Variants in NEURL1 observed in about 807,000 individuals in gnomAD.
The protein encoded by NEURL1 is E3 ubiquitin-protein ligase NEURL1.
NEURL1 carries 26 observed loss-of-function variants against 41.2 expected under a neutral mutation model. That is an observed-to-expected ratio of 0.63 (90% CI 0.46 to 0.87). The LOEUF (loss-of-function observed/expected upper bound fraction) is 0.87, where lower values mean the gene tolerates loss of function less well. NEURL1 is among the 40% of genes least tolerant of loss of function. NEURL1 has a pLI of 0.00. For synonymous variants in NEURL1, 400 were observed against 402.3 expected, an observed-to-expected ratio of 0.99 and a Z score of 0.07; for missense variants, 761 against 871.1, an observed-to-expected ratio of 0.87 and a Z score of 1.59.
intron 3 of NEURL1, among the ~76,000 whole-genome samples, chr10:103,572,468 C>T (rs937724622): frequency 6.6e-6 from 1 of 152,254 alleles, no homozygotes; most frequent in African/African-American, 2.4e-5. Context: ...TGGCTGCTCC[C>T]TGGCCCCCAG....
chr10:103,588,493 G>A (rs2035969226), intron 4 of NEURL1, among the ~76,000 whole-genome samples: 1 of 152,076 alleles, frequency 6.6e-6, no homozygotes, highest in South Asian at 2.1e-4. Flanking sequence ...GGAGTTTGAG[G>A]ACAGCTGTCA....
chr10:103,576,095 A>G lies in NEURL1; in HGVS notation c.649+4273A>G, dbSNP rs1327688361. Among the ~76,000 whole-genome samples the G allele has an allele frequency of 5.3e-5, 8 of 152,196 alleles. No homozygotes were observed. In the East Asian group the frequency reaches 1.5e-3, roughly 29 times the overall value. ...AAAAACCCAGCCCCTCTCCTGGAAT[A>G]ATGTTTTCCCTGGGGGACACATCAT... On this transcript the variant is annotated intron_variant, in intron 3 of 5. Coordinates refer to ENST00000369780, the MANE Select transcript of NEURL1 (RefSeq NM_004210.5).
chr10:103,501,878 C>T (rs2033833745), intron 1 of NEURL1, among the ~76,000 whole-genome samples: 1 of 152,056 alleles, frequency 6.6e-6, no homozygotes, highest in South Asian at 2.1e-4. Context: ...AGGAGGTCTG[C>T]CCGTCTCGGC....
intron 1 of NEURL1, among the ~76,000 whole-genome samples, chr10:103,510,767 T>C (rs1270767903): frequency 2.0e-5 from 3 of 152,204 alleles, no homozygotes; most frequent in Non-Finnish European, 1.5e-5. Flanking sequence ...CTACCTCCAA[T>C]GTGGATCCTT....
chr10:103,584,777 C>T lies in NEURL1; in HGVS notation c.891C>T (p.His297=), dbSNP rs1275736905. ...AGCTCGACGGCGACCTGCGTTTCCACGCCCTGCGCGCCGGCGCGCACGTCC... is the reference window on the plus strand; with the variant it reads ...AGCTCGACGGCGACCTGCGTTTCCATGCCCTGCGCGCCGGCGCGCACGTCC... ...PAQLDGDLRF[H]ALRAGAHVRI... Residue 297 remains histidine, a synonymous_variant, in exon 4 of 6, where the codon CAC becomes CAT. Coordinates refer to ENST00000369780, the MANE Select transcript of NEURL1 (RefSeq NM_004210.5). 1 of 1,441,248 alleles carries T rather than the reference C, an allele frequency of 6.9e-7. No homozygotes were observed. 89.3% of individuals were successfully genotyped at this position (1,441,248 alleles called of 1,614,324 possible).
At chr10:103,525,052 C>A (rs1268609802) in intron 1 of NEURL1, among the ~76,000 whole-genome samples, 2 of 152,054 alleles carry the variant, frequency 1.3e-5, no homozygotes, top group South Asian at 2.1e-4. Flanking sequence ...AATATTAATT[C>A]TTTTAATCCA....
At chr10:103,552,591 T>A (rs2035052704) in intron 1 of NEURL1, among the ~76,000 whole-genome samples, 2 of 152,210 alleles carry the variant, frequency 1.3e-5, no homozygotes, top group Admixed American at 1.3e-4. Flanking sequence ...TTTCTCAGGT[T>A]GTGATGATAT....
intron 1 of NEURL1, among the ~76,000 whole-genome samples, chr10:103,501,630 A>ATTATTATTATTATTATTC (rs1273829180): frequency 1.3e-5 from 2 of 148,186 alleles, no homozygotes; most frequent in African/African-American, 4.9e-5. Flanking sequence ...TATTATTATT[A>ATTATTATTATTATTATTC]TTATTATTAT....
chr10:103,592,134 G>A lies in NEURL1; in HGVS notation c.*1762G>A, dbSNP rs61872563. 6.6e-6 allele frequency: 1 copy of A among 152,280 alleles called. No individual in the cohort carries two copies. The highest frequency in any genetic ancestry group is 1.5e-5 in the Non-Finnish European group (1 of 68,084). The allele number at this position is 152,280 out of a possible 1,614,324, so 9.4% of individuals were successfully genotyped here. On this transcript the variant is annotated 3_prime_UTR_variant, in exon 6 of 6. Transcript: ENST00000369780. This position sits in a 1 kb window ranked among gnomAD's most constrained non-coding sequence, Gnocchi z 4.8. The stretch of plus-strand genomic sequence containing the variant: ...TTAGTCCTGGCCACTGACCAGCTGT[G>A]TGGCCCTGGCCGAGTCGTAGCCCCC...
At position 103,496,664 on chromosome 10, in the gene NEURL1, A is replaced by G. The variant is rs1592171482; in HGVS notation, c.85+2192A>G. ...TTGGAAACAGATTCCTAATGAACCTATGAATATCGTTCAGCTCAACCTTCT... is the reference window on the plus strand; with the variant it reads ...TTGGAAACAGATTCCTAATGAACCTGTGAATATCGTTCAGCTCAACCTTCT... On this transcript the variant is annotated intron_variant, in intron 1 of 5. Coordinates refer to ENST00000369780, the MANE Select transcript of NEURL1 (RefSeq NM_004210.5). Among the ~76,000 whole-genome samples the G allele has an allele frequency of 2.0e-5, 3 of 152,358 alleles. No individual in the cohort carries two copies. The South Asian group carries it at 6.2e-4, about 32-fold the overall frequency.
intron 1 of NEURL1, chr10:103,511,792 A>G (rs1477286229): frequency 6.6e-6 from 1 of 151,908 alleles, no homozygotes; most frequent in African/African-American, 2.4e-5. Context: ...GCTTGTCTGT[A>G]TTTTTTACTG....
At chr10:103,561,551 A>G (rs1290014013) in intron 1 of NEURL1, among the ~76,000 whole-genome samples, 12 of 152,148 alleles carry the variant, frequency 7.9e-5, no homozygotes, top group African/African-American at 2.7e-4. Flanking sequence ...GGCATGAGCC[A>G]CTGCACCAGC....
chr10:103,511,323 C>A (rs889383367), intron 1 of NEURL1, among the ~76,000 whole-genome samples: 2 of 152,160 alleles, frequency 1.3e-5, no homozygotes, highest in African/African-American at 4.8e-5. Context: ...GGCCATGGAA[C>A]CTGAGAGGCT....
intron 1 of NEURL1, among the ~76,000 whole-genome samples, chr10:103,563,989 G>C (rs2035363487): frequency 6.6e-6 from 1 of 152,224 alleles, no homozygotes; most frequent in South Asian, 2.1e-4. Context: ...TCTGCTCTTG[G>C]CTGGGGTGGT....
At chr10:103,520,069 C>T (rs963658819) in intron 1 of NEURL1, among the ~76,000 whole-genome samples, 5 of 152,104 alleles carry the variant, frequency 3.3e-5, no homozygotes, top group African/African-American at 1.2e-4. Context: ...CAGGTGTAAG[C>T]CACTGCTCCT....
intron 3 of NEURL1, among the ~76,000 whole-genome samples, chr10:103,577,148 C>T (rs1462031299): frequency 6.6e-6 from 1 of 152,200 alleles, no homozygotes; most frequent in Non-Finnish European, 1.5e-5. Flanking sequence ...TGATGATTTT[C>T]ATTTCTTTTT....
intron 2 of NEURL1, 48 bp downstream of exon 2, chr10:103,571,161 C>G (rs754053280): frequency 6.3e-7 from 1 of 1,580,872 alleles, no homozygotes; most frequent in Non-Finnish European, 8.6e-7. Flanking sequence ...TCCTGCTCCC[C>G]TCATGGCATC....
At chr10:103,540,260 T>G (rs2034790827) in intron 1 of NEURL1, among the ~76,000 whole-genome samples, 1 of 151,910 alleles carries the variant, frequency 6.6e-6, no homozygotes, top group Admixed American at 6.6e-5. Flanking sequence ...CCTGCTTTTC[T>G]GCTTTTAAAA....
Position 103,558,263 on chromosome 10 carries a change from G to A in NEURL1, c.86-12609G>A, listed in dbSNP as rs1592221023. ...GCTGCGTTAAAGTGAGTGAGGGGAGGGTGACAGGAGGACCCAGGACTCTGT... is the reference window on the plus strand; with the variant it reads ...GCTGCGTTAAAGTGAGTGAGGGGAGAGTGACAGGAGGACCCAGGACTCTGT... On this transcript the variant is annotated intron_variant, in intron 1 of 5. Transcript: ENST00000369780. The surrounding 1 kb of genome is among the most constrained non-coding windows in gnomAD (Gnocchi z 4.2). The A allele has an allele frequency of 4.1e-6, 4 of 984,718 alleles. No homozygotes were observed. The South Asian group carries it at 1.9e-4, about 46-fold the overall frequency. 61.0% of individuals were successfully genotyped at this position (984,718 alleles called of 1,614,324 possible).
Sources: allele counts gnomAD v4.1 joint callset (sites outside exome capture counted in the v4.1 genomes callset), GRCh38; gene constraint gnomAD v4.1.1; non-coding constraint Gnocchi (gnomAD v3.1); transcripts MANE v1.5; gene names NCBI Gene and HGNC (gene_info 2026-07-23, HGNC 2026-07-21).